The following JAZF1 variants were observed in gnomAD, a reference collection of about 807,000 sequenced individuals.
JAZF1 encodes the protein JAZF zinc finger 1, also known as juxtaposed with another zinc finger protein 1.
JAZF1 carries 8 observed loss-of-function variants against 26.4 expected under a neutral mutation model. That is an observed-to-expected ratio of 0.30 (90% CI 0.18 to 0.55). The LOEUF is 0.55. Ranked by LOEUF, JAZF1 falls within the 20% of genes least tolerant of loss-of-function variation. The probability of loss-of-function intolerance (pLI) is 0.94; values close to 1 mark genes in which losing one functional copy is unlikely to be tolerated. For missense variants in JAZF1, 199 were observed against 322.0 expected (o/e 0.62, Z 2.92); for synonymous variants, 126 against 122.3 (o/e 1.03, Z -0.20).
chr7:27,838,731 T>C (rs1420342212), intron 4 of JAZF1, among the ~76,000 whole-genome samples: 1 of 152,144 alleles, frequency 6.6e-6, no homozygotes, highest in Non-Finnish European at 1.5e-5. Context: ...GCTGCCAGCT[T>C]TGGGATGTAG....
At chr7:27,868,309 G>T (rs1423419426) in intron 3 of JAZF1, among the ~76,000 whole-genome samples, 1 of 152,160 alleles carries the variant, frequency 6.6e-6, no homozygotes, top group East Asian at 1.9e-4. Context: ...AATTTCTCCT[G>T]CCCACTGTCA....
chr7:28,166,029 A>T (rs1583594742), intron 1 of JAZF1, among the ~76,000 whole-genome samples: 1 of 152,330 alleles, frequency 6.6e-6, no homozygotes, highest in East Asian at 1.9e-4. Context: ...TTATTAAATC[A>T]GCCTGTTTTG....
intron 1 of JAZF1, among the ~76,000 whole-genome samples, chr7:28,127,618 A>C (rs933438918): frequency 2.0e-5 from 3 of 152,190 alleles, no homozygotes; most frequent in Non-Finnish European, 4.4e-5. Context: ...AAAAGGGAAA[A>C]TGTGGCTGTA....
At chr7:27,989,935 C>T (rs902541221) in intron 2 of JAZF1, among the ~76,000 whole-genome samples, 3 of 152,296 alleles carry the variant, frequency 2.0e-5, no homozygotes, top group African/African-American at 7.2e-5. Context: ...TATTACTGGG[C>T]ATATACCCAA....
At chr7:28,107,509 A>G (rs1387117123) in intron 1 of JAZF1, among the ~76,000 whole-genome samples, 1 of 152,216 alleles carries the variant, frequency 6.6e-6, no homozygotes, top group Non-Finnish European at 1.5e-5. Flanking sequence ...AGCATGAAAC[A>G]GCCAGGAATA....
In JAZF1 at chr7:28,141,495, T is replaced by G. The variant is rs959476502; in HGVS notation, c.115+38968A>C. 5.3e-5 allele frequency among the ~76,000 whole-genome samples: 8 copies of G among 152,330 alleles called. No homozygotes were observed. The South Asian group carries it at 1.4e-3, about 28-fold the overall frequency. On this transcript the variant is annotated intron_variant, in intron 1 of 4. Coordinates refer to ENST00000283928, the MANE Select transcript of JAZF1 (RefSeq NM_175061.4). ...TGTTGAGTTAATTCCAATAAGACTG[T>G]CAATTCAACTTTTACAGGATTGTAT...
intron 1 of JAZF1, among the ~76,000 whole-genome samples, chr7:28,132,681 A>G (rs1414079990): frequency 1.3e-5 from 2 of 152,206 alleles, no homozygotes; most frequent in African/African-American, 4.8e-5. Flanking sequence ...ATGCATAAAC[A>G]TAGATGGAAA....
intron 3 of JAZF1, among the ~76,000 whole-genome samples, chr7:27,881,039 T>G (rs992354970): frequency 2.0e-5 from 3 of 152,264 alleles, no homozygotes; most frequent in African/African-American, 7.2e-5. Flanking sequence ...TTTATTTATG[T>G]TTCTGTAATG....
chr7:28,167,673 G>A (rs1469579350), intron 1 of JAZF1, among the ~76,000 whole-genome samples: 1 of 152,180 alleles, frequency 6.6e-6, no homozygotes. Flanking sequence ...AAACACTCTG[G>A]AGAGAGTGTT....
At chr7:28,070,047 G>A (rs1304164276) in intron 1 of JAZF1, among the ~76,000 whole-genome samples, 2 of 152,146 alleles carry the variant, frequency 1.3e-5, no homozygotes. Flanking sequence ...GTCTTCAGAT[G>A]TGGAGAGCTG....
intron 1 of JAZF1, among the ~76,000 whole-genome samples, chr7:27,995,309 T>C (rs1313414322): frequency 6.6e-6 from 1 of 152,220 alleles, no homozygotes; most frequent in Admixed American, 6.5e-5. Context: ...CATAGCCACA[T>C]GAGGCTCCTT....
At chr7:28,056,462 AC>A (rs1783711073) in intron 1 of JAZF1, among the ~76,000 whole-genome samples, 4 of 148,856 alleles carry the variant, frequency 2.7e-5, no homozygotes, top group African/African-American at 5.0e-5. Flanking sequence ...ACACACACAC[AC>A]ACACACACAC....
intron 2 of JAZF1, chr7:27,913,458 G>A: frequency 2.5e-6 from 1 of 406,710 alleles, no homozygotes; most frequent in Non-Finnish European, 5.0e-6. Context: ...CGCTGTCTGT[G>A]GGCGGAAGAG....
intron 2 of JAZF1, among the ~76,000 whole-genome samples, chr7:27,932,714 T>C (rs1224192025): frequency 6.6e-6 from 1 of 151,980 alleles, no homozygotes; most frequent in Admixed American, 6.6e-5. Context: ...GATGTGAAAA[T>C]GAACTTGGTG....
intron 1 of JAZF1, among the ~76,000 whole-genome samples, chr7:28,129,254 TG>T (rs1562597024): frequency 6.6e-6 from 1 of 152,104 alleles, no homozygotes; most frequent in East Asian, 1.9e-4. Flanking sequence ...TGCAGGTGTA[TG>T]GTTACTTAAA....
At chr7:27,922,501 G>A (rs888975707) in intron 2 of JAZF1, among the ~76,000 whole-genome samples, 6 of 152,026 alleles carry the variant, frequency 3.9e-5, no homozygotes, top group Non-Finnish European at 8.8e-5. Flanking sequence ...CGCCCGCCTC[G>A]GCCTCCCAAA....
intron 1 of JAZF1, among the ~76,000 whole-genome samples, chr7:28,171,434 T>G (rs1783467497): frequency 6.6e-6 from 1 of 152,226 alleles, no homozygotes; most frequent in Non-Finnish European, 1.5e-5. Flanking sequence ...ACTTCTCAAT[T>G]TTTATTTTCA....
At chr7:28,038,866 G>C (rs1273768587) in intron 1 of JAZF1, among the ~76,000 whole-genome samples, 1 of 152,148 alleles carries the variant, frequency 6.6e-6, no homozygotes, top group Non-Finnish European at 1.5e-5. Flanking sequence ...TCCATGCTTG[G>C]TATAAAGTAT....
chr7:28,087,865 G>GA (rs932761867), intron 1 of JAZF1, among the ~76,000 whole-genome samples: 7 of 151,942 alleles, frequency 4.6e-5, no homozygotes, highest in Non-Finnish European at 7.4e-5. Context: ...TTTTAAAAAG[G>GA]AAAAAAATAG....
Sources: gnomAD v4.1 joint callset for allele counts (sites outside exome capture counted in the v4.1 genomes callset) on GRCh38, gnomAD v4.1.1 for gene constraint, MANE v1.5 for transcripts, NCBI Gene and HGNC (gene_info 2026-07-23, HGNC 2026-07-21) for gene names.